Variants in AFF3 observed in about 807,000 individuals in gnomAD.
AFF3 encodes AF4/FMR2 family member 3.
Under a neutral mutation model 129.7 loss-of-function variants are expected in AFF3, and 32 were observed. That is an observed-to-expected ratio of 0.25 (90% CI 0.19 to 0.33). AFF3 has a LOEUF of 0.33. AFF3 is among the 10% of genes least tolerant of loss of function. The pLI is 1.00. For synonymous variants in AFF3, 644 were observed against 635.4 expected, an observed-to-expected ratio of 1.01 and a Z score of -0.20; for missense variants, 1,373 against 1,592.0, an observed-to-expected ratio of 0.86 and a Z score of 2.34.
chr2:99,783,832 G>A (rs1164372968), intron 8 of AFF3, among the ~76,000 whole-genome samples: 1 of 152,190 alleles, frequency 6.6e-6, no homozygotes. Context: ...GGCCCCCCTG[G>A]AAAGGGAAAG....
At chr2:99,568,040 A>C (rs1359390236) in intron 19 of AFF3, among the ~76,000 whole-genome samples, 2 of 152,150 alleles carry the variant, frequency 1.3e-5, no homozygotes, top group Non-Finnish European at 2.9e-5. Flanking sequence ...AGTGGTCTTC[A>C]CGTAAATAAG....
intron 7 of AFF3, among the ~76,000 whole-genome samples, chr2:99,964,522 G>A (rs1378797723): frequency 6.6e-6 from 1 of 152,004 alleles, no homozygotes; most frequent in Non-Finnish European, 1.5e-5. Flanking sequence ...GTTCAAAGAT[G>A]ACATCTCAAA....
intron 7 of AFF3, among the ~76,000 whole-genome samples, chr2:99,902,153 G>A (rs1694388197): frequency 6.6e-6 from 1 of 151,714 alleles, no homozygotes; most frequent in South Asian, 2.1e-4. Flanking sequence ...ATTTGCTTAT[G>A]ACTGCTTAAA....
Position 99,950,923 on chromosome 2 carries a change from C to T in AFF3, c.873+55709G>A, listed in dbSNP as rs1251392192. ...CTACATATGTCTACATCCAAACACA[C>T]GTGCCTGTGTGCACACACATACACA... On this transcript the variant is annotated intron_variant, in intron 7 of 24. Transcript: ENST00000672756. 2.6e-5 allele frequency among the ~76,000 whole-genome samples: 4 copies of T among 152,220 alleles called. No individual in the cohort carries two copies. The East Asian group carries it at 5.8e-4, about 22-fold the overall frequency.
intron 8 of AFF3, among the ~76,000 whole-genome samples, chr2:99,830,529 A>G (rs1256692974): frequency 6.6e-6 from 1 of 152,194 alleles, no homozygotes; most frequent in Non-Finnish European, 1.5e-5. Flanking sequence ...AGACAGGTGG[A>G]TCATGTGAGG....
intron 7 of AFF3, among the ~76,000 whole-genome samples, chr2:99,897,070 T>A (rs191397609): frequency 6.6e-6 from 1 of 152,304 alleles, no homozygotes; most frequent in East Asian, 1.9e-4. Flanking sequence ...AATTGTATTG[T>A]GAAGGCTTTT....
intron 8 of AFF3, among the ~76,000 whole-genome samples, chr2:99,807,905 C>G (rs920225568): frequency 6.6e-6 from 1 of 152,192 alleles, no homozygotes; most frequent in Admixed American, 6.5e-5. Context: ...AATACAACCC[C>G]TCTGTGCCCC....
chr2:99,611,094 T>C (rs1347731105), intron 13 of AFF3, among the ~76,000 whole-genome samples: 2 of 152,208 alleles, frequency 1.3e-5, no homozygotes, highest in African/African-American at 2.4e-5. Context: ...AGCTCATCCA[T>C]TGAGTTTTTC....
At chr2:99,942,569 G>A (rs1675160909) in intron 7 of AFF3, among the ~76,000 whole-genome samples, 2 of 151,512 alleles carry the variant, frequency 1.3e-5, no homozygotes, top group Admixed American at 1.3e-4. Context: ...CGCGGCACAG[G>A]GAATGGCCTG....
chr2:99,663,365 A>C (rs764507360), intron 12 of AFF3, among the ~76,000 whole-genome samples: 11 of 152,254 alleles, frequency 7.2e-5, no homozygotes, highest in African/African-American at 1.2e-4. Flanking sequence ...TTTTGTGCTC[A>C]GAGCAACCTC....
intron 7 of AFF3, among the ~76,000 whole-genome samples, chr2:99,867,925 G>A (rs1691554751): frequency 6.6e-6 from 1 of 152,202 alleles, no homozygotes; most frequent in South Asian, 2.1e-4. Flanking sequence ...CACGCCCCTG[G>A]GCGAGGCGGG....
intron 4 of AFF3, among the ~76,000 whole-genome samples, chr2:100,078,776 C>T (rs1030078582): frequency 1.4e-4 from 21 of 152,178 alleles, no homozygotes; most frequent in East Asian, 3.9e-4. Context: ...TGATATAAAA[C>T]GGCATAGTAT....
chr2:99,875,831 C>T (rs1692254616), intron 7 of AFF3, among the ~76,000 whole-genome samples: 1 of 152,186 alleles, frequency 6.6e-6, no homozygotes, highest in Non-Finnish European at 1.5e-5. Context: ...GACATTTACC[C>T]TCCAAACAGC....
intron 18 of AFF3, among the ~76,000 whole-genome samples, chr2:99,576,910 C>G (rs1392881082): frequency 6.6e-6 from 1 of 152,156 alleles, no homozygotes; most frequent in Non-Finnish European, 1.5e-5. Context: ...TCCATGCCCT[C>G]CCTGGGGGGT....
chr2:99,844,958 C>T (rs1245560301), intron 7 of AFF3, among the ~76,000 whole-genome samples: 5 of 147,200 alleles, frequency 3.4e-5, no homozygotes, highest in African/African-American at 7.9e-5. Flanking sequence ...GACCAATACA[C>T]TAAAAAAAAA....
chr2:100,018,325 A>T (rs948558189), intron 4 of AFF3, among the ~76,000 whole-genome samples: 3 of 152,172 alleles, frequency 2.0e-5, no homozygotes, highest in Non-Finnish European at 4.4e-5. Context: ...GACACTCATC[A>T]GTTTTTTACT....
At chr2:100,019,752 C>T (rs2104855539) in intron 4 of AFF3, among the ~76,000 whole-genome samples, 1 of 152,232 alleles carries the variant, frequency 6.6e-6, no homozygotes, top group East Asian at 1.9e-4. Context: ...CCGCAGTCAG[C>T]AGTGGTCAGA....
chr2:99,649,912 C>T (rs1459685245), intron 12 of AFF3, among the ~76,000 whole-genome samples: 4 of 152,010 alleles, frequency 2.6e-5, no homozygotes, highest in Admixed American at 6.6e-5. Context: ...ATGAGTTTGT[C>T]GGGGGGGCAA....
At chr2:99,925,458 T>C (rs1009210088) in intron 7 of AFF3, among the ~76,000 whole-genome samples, 6 of 152,216 alleles carry the variant, frequency 3.9e-5, no homozygotes, top group African/African-American at 1.4e-4. Context: ...CTTGAGCTCT[T>C]TGAGGTCAAG....
Sources: allele counts gnomAD v4.1 joint callset (sites outside exome capture counted in the v4.1 genomes callset), GRCh38; gene constraint gnomAD v4.1.1; transcripts MANE v1.5; gene names NCBI Gene and HGNC (gene_info 2026-07-23, HGNC 2026-07-21).